PTPRD: variants seen among roughly 807,000 people sequenced by gnomAD.
PTPRD encodes the protein protein tyrosine phosphatase receptor type D.
A neutral mutation model predicts 214.5 loss-of-function variants in PTPRD; 34 were observed. That is an observed-to-expected ratio of 0.16 (90% confidence interval 0.12 to 0.21). PTPRD has a LOEUF of 0.21. Among genes scored for constraint, PTPRD ranks in the 10% least tolerant of loss-of-function variants. The pLI, the probability that PTPRD is intolerant of heterozygous loss-of-function variation, is 1.00. For synonymous variants in PTPRD, 1,128 were observed against 845.7 expected, an observed-to-expected ratio of 1.33 and a Z score of -5.79; for missense variants, 2,545 against 2,398.7, an observed-to-expected ratio of 1.06 and a Z score of -1.27.
chr9:8,954,781 G>GAT (rs2099122567), intron 11 of PTPRD, among the ~76,000 whole-genome samples: 1 of 151,822 alleles, frequency 6.6e-6, no homozygotes, highest in African/African-American at 2.4e-5. Flanking sequence ...ATACAATGTA[G>GAT]ATAAAAACAA....
chr9:8,752,941 T>A (rs6477349), intron 11 of PTPRD, among the ~76,000 whole-genome samples: 7,406 of 152,268 alleles, frequency 0.049, 452 homozygotes, highest in African/African-American at 0.14. Context: ...CAAAAGTGTT[T>A]AATATTTTCC....
chr9:9,213,195 T>A (rs2099949935), intron 9 of PTPRD, among the ~76,000 whole-genome samples: 1 of 152,166 alleles, frequency 6.6e-6, no homozygotes, highest in Non-Finnish European at 1.5e-5. Context: ...AAGATCTTGT[T>A]GCAGAGAATT....
chr9:9,740,480 C>T (rs879401940), intron 6 of PTPRD, among the ~76,000 whole-genome samples: 1 of 151,756 alleles, frequency 6.6e-6, no homozygotes, highest in Admixed American at 6.6e-5. Flanking sequence ...GCTTTAGCCT[C>T]CCGAGTAGCT....
intron 9 of PTPRD, among the ~76,000 whole-genome samples, chr9:9,298,382 C>T (rs1011121234): frequency 2.0e-5 from 3 of 151,610 alleles, no homozygotes; most frequent in African/African-American, 4.8e-5. Flanking sequence ...ATCTTTGATT[C>T]ATAACCTTTT....
At position 8,331,750 on chromosome 9, in the gene PTPRD, G is replaced by GCCACATAC; in HGVS notation, c.5380-22_5380-15dup. 6.4e-7 allele frequency: 1 copy of GCCACATAC among 1,563,594 alleles called. No individual in the cohort carries two copies. Among genetic ancestry groups the GCCACATAC allele is most frequent in the Non-Finnish European group, 8.6e-7 (1 of 1,157,398 alleles). On this transcript the variant is annotated splice_polypyrimidine_tract_variant and intron_variant, in intron 43 of 45. Transcript: ENST00000381196. ...GGACTGGCCGTCCTTTAGAAGGAAA[G>GCCACATAC]CCACATACCCGGCCGCAAAGGAAGA... is the stretch of plus-strand genomic sequence containing the variant.
At chr9:9,451,657 T>C (rs950933582) in intron 8 of PTPRD, among the ~76,000 whole-genome samples, 1 of 151,646 alleles carries the variant, frequency 6.6e-6, no homozygotes, top group Admixed American at 6.6e-5. Flanking sequence ...AGACTTTTTA[T>C]ATAAAAATTA....
intron 5 of PTPRD, among the ~76,000 whole-genome samples, chr9:9,924,478 A>G (rs1221764763): frequency 6.6e-6 from 1 of 152,086 alleles, no homozygotes. Flanking sequence ...AGCAAATTTT[A>G]AAGTTATAAC....
intron 5 of PTPRD, among the ~76,000 whole-genome samples, chr9:9,916,039 G>A (rs1286694124): frequency 6.6e-6 from 1 of 151,406 alleles, no homozygotes; most frequent in Non-Finnish European, 1.5e-5. Context: ...AAACCTTAGA[G>A]GCAAGGAGAG....
At position 8,824,928 on chromosome 9, in the gene PTPRD, A is replaced by G. The variant is rs559139268; in HGVS notation, c.-103-90982T>C. On this transcript the variant is annotated intron_variant, in intron 11 of 45. Transcript: ENST00000381196. ...TTTTCACTAAAGATAAATTATGGTAAGACTGATTTGCTTTATTATACTTGG... is the reference window on the plus strand; with the variant it reads ...TTTTCACTAAAGATAAATTATGGTAGGACTGATTTGCTTTATTATACTTGG... 6.6e-5 allele frequency among the ~76,000 whole-genome samples: 10 copies of G among 152,326 alleles called. No individual in the cohort carries two copies. The South Asian group carries it at 1.9e-3, about 28-fold the overall frequency.
intron 8 of PTPRD, among the ~76,000 whole-genome samples, chr9:9,404,896 C>A (rs10816124): frequency 0.068 from 10,402 of 152,112 alleles, 511 homozygotes; most frequent in Non-Finnish European, 0.11. Context: ...TTAATTCAGT[C>A]TTTTCCAAGT....
intron 10 of PTPRD, among the ~76,000 whole-genome samples, chr9:9,170,047 A>G (rs1384602056): frequency 6.6e-6 from 1 of 152,174 alleles, no homozygotes; most frequent in Non-Finnish European, 1.5e-5. Context: ...GTAGGATTAA[A>G]CTAGACTAAG....
chr9:8,904,757 G>A (rs565461499), intron 11 of PTPRD, among the ~76,000 whole-genome samples: 2 of 151,356 alleles, frequency 1.3e-5, no homozygotes, highest in Non-Finnish European at 2.9e-5. Context: ...ACTGTGGTCT[G>A]TAGATATTTT....
chr9:9,352,033 C>G (rs1370986055), intron 9 of PTPRD, among the ~76,000 whole-genome samples: 2 of 151,894 alleles, frequency 1.3e-5, no homozygotes, highest in African/African-American at 2.4e-5. Flanking sequence ...GTCCCAAACT[C>G]TTAGCCCCAA....
intron 2 of PTPRD, among the ~76,000 whole-genome samples, chr9:10,450,407 T>A (rs910560536): frequency 1.3e-5 from 2 of 152,014 alleles, no homozygotes; most frequent in Admixed American, 6.5e-5. Flanking sequence ...TTGGGAACTA[T>A]AAGCAATTTG....
intron 3 of PTPRD, among the ~76,000 whole-genome samples, chr9:10,167,492 G>C (rs1003990470): frequency 1.3e-5 from 2 of 152,084 alleles, no homozygotes; most frequent in Non-Finnish European, 2.9e-5. Flanking sequence ...TCCTCTTCAG[G>C]AAAGAGAATT....
At chr9:8,809,449 T>C (rs531032067) in intron 11 of PTPRD, among the ~76,000 whole-genome samples, 10 of 152,256 alleles carry the variant, frequency 6.6e-5, no homozygotes, top group East Asian at 1.9e-4. Context: ...AATAACCCAA[T>C]AACCAACGTC....
At chr9:10,458,023 A>G (rs1303537619) in intron 2 of PTPRD, among the ~76,000 whole-genome samples, 1 of 152,056 alleles carries the variant, frequency 6.6e-6, no homozygotes, top group Non-Finnish European at 1.5e-5. Context: ...GAAAGCCTGA[A>G]CAGACCAATA....
chr9:9,398,070 C>T (rs895841415), intron 8 of PTPRD, among the ~76,000 whole-genome samples: 1 of 151,800 alleles, frequency 6.6e-6, no homozygotes, highest in African/African-American at 2.4e-5. Flanking sequence ...ACACTAGTCT[C>T]GAATCATAAG....
intron 9 of PTPRD, among the ~76,000 whole-genome samples, chr9:9,217,377 C>A (rs1247004750): frequency 3.3e-5 from 5 of 152,128 alleles, no homozygotes; most frequent in Admixed American, 2.0e-4. Context: ...TTCAATATTT[C>A]CCAGAGTTGT....
Sources: allele counts gnomAD v4.1 joint callset (sites outside exome capture counted in the v4.1 genomes callset), GRCh38; gene constraint gnomAD v4.1.1; transcripts MANE v1.5; gene names NCBI Gene and HGNC (gene_info 2026-07-23, HGNC 2026-07-21).